Variants in SLC8A1 observed in about 807,000 individuals in gnomAD.
SLC8A1 encodes solute carrier family 8 member A1.
A neutral mutation model predicts 68.3 loss-of-function variants in SLC8A1; 18 were observed. That is an observed-to-expected ratio of 0.26 (90% CI 0.18 to 0.39). The LOEUF (loss-of-function observed/expected upper bound fraction) is 0.39. SLC8A1 is among the 10% of genes least tolerant of loss of function. SLC8A1 has a pLI of 1.00. For missense variants in SLC8A1, 985 were observed against 1,156.7 expected, an observed-to-expected ratio of 0.85 and a Z score of 2.15; for synonymous variants, 475 against 415.5, an observed-to-expected ratio of 1.14 and a Z score of -1.74.
At chr2:40,151,215 A>G (rs1386741261) in intron 6 of SLC8A1, among the ~76,000 whole-genome samples, 1 of 152,154 alleles carries the variant, frequency 6.6e-6, no homozygotes, top group African/African-American at 2.4e-5. Context: ...GAAGTTTGAC[A>G]TAGAGAAAAC....
chr2:40,404,755 T>A (rs1205428353), intron 2 of SLC8A1, among the ~76,000 whole-genome samples: 2 of 152,158 alleles, frequency 1.3e-5, no homozygotes, highest in Admixed American at 1.3e-4. Flanking sequence ...AAATGCATAA[T>A]TAACCAGAAA....
At position 40,176,686 on chromosome 2, in the gene SLC8A1, T is replaced by G. The variant is rs1276969569; in HGVS notation, c.1912+1066A>C. Among the ~76,000 whole-genome samples, 13 of 152,360 alleles carry G rather than the reference T, an allele frequency of 8.5e-5. No homozygotes were observed. The East Asian group carries it at 2.1e-3, about 25-fold the overall frequency. ...GATGAACGTGGGATAAATTTTCCTA[T>G]GTGTCTACATAGCAATTAGTCCTAT... On this transcript the variant is annotated intron_variant, in intron 3 of 7. Coordinates refer to ENST00000406785, the Ensembl canonical transcript of SLC8A1.
At chr2:40,178,954 T>C (rs779395959) in intron 2 of SLC8A1, among the ~76,000 whole-genome samples, 16 of 152,242 alleles carry the variant, frequency 1.1e-4, no homozygotes, top group Non-Finnish European at 1.8e-4. Flanking sequence ...TCATTTTTTT[T>C]CCTTCACTGT....
chr2:40,431,546 C>T (rs1358437693), intron 1 of SLC8A1, among the ~76,000 whole-genome samples: 1 of 152,116 alleles, frequency 6.6e-6, no homozygotes, highest in Non-Finnish European at 1.5e-5. Context: ...ATCCCTTCTG[C>T]TTCCAGAACC....
rs1407594133 is a variant in SLC8A1, at chr2:40,423,466, A to G, written c.1808+5007T>C. Reference sequence around the variant, plus strand: ...ACTGATGGCCACAAATCTGTAGCTTATTAAGTATGTGCAGATTAACTGATA... The same window carrying G: ...ACTGATGGCCACAAATCTGTAGCTTGTTAAGTATGTGCAGATTAACTGATA... On this transcript the variant is annotated intron_variant, in intron 2 of 7. Coordinates refer to ENST00000406785, the Ensembl canonical transcript of SLC8A1. 6.6e-5 allele frequency among the ~76,000 whole-genome samples: 10 copies of G among 152,018 alleles called. 1 individual carries two copies. The highest frequency in any genetic ancestry group is 6.6e-4 in the Admixed American group (10 of 15,256).
At chr2:40,178,561 A>T in intron 2 of SLC8A1, 68 bp from the exon 3 acceptor site, 1 of 1,321,832 alleles carries the variant, frequency 7.6e-7, no homozygotes, top group Middle Eastern at 1.8e-4. Context: ...CATAGAGAAG[A>T]GGAAAGCAAG....
At chr2:40,394,763 G>T (rs1413526995) in intron 2 of SLC8A1, among the ~76,000 whole-genome samples, 1 of 151,702 alleles carries the variant, frequency 6.6e-6, no homozygotes, top group African/African-American at 2.4e-5. Flanking sequence ...AAAAAAATTA[G>T]TTCCCATTCC....
At chr2:40,305,205 T>C (rs1274669137) in intron 2 of SLC8A1, among the ~76,000 whole-genome samples, 1 of 152,166 alleles carries the variant, frequency 6.6e-6, no homozygotes, top group Non-Finnish European at 1.5e-5. Context: ...AAGCCCCTTC[T>C]AGTGGTGTGA....
At chr2:40,182,229 A>G (rs536643196) in intron 2 of SLC8A1, among the ~76,000 whole-genome samples, 1 of 152,324 alleles carries the variant, frequency 6.6e-6, no homozygotes, top group South Asian at 2.1e-4. Context: ...CCTTCATCCA[A>G]ATATAATTCT....
At chr2:40,479,574 AAC>A (rs1366445839) in intron 1 of SLC8A1, among the ~76,000 whole-genome samples, 2 of 152,260 alleles carry the variant, frequency 1.3e-5, no homozygotes, top group African/African-American at 2.4e-5. Flanking sequence ...TAGATGAGGA[AAC>A]ACAGAAGTTT....
At chr2:40,423,841 A>C (rs1008700528) in intron 2 of SLC8A1, among the ~76,000 whole-genome samples, 1 of 151,964 alleles carries the variant, frequency 6.6e-6, no homozygotes, top group Non-Finnish European at 1.5e-5. Flanking sequence ...TTCAGAAAAC[A>C]TGCATTTATA....
chr2:40,424,843 T>C (rs1696443832), intron 2 of SLC8A1, among the ~76,000 whole-genome samples: 1 of 151,898 alleles, frequency 6.6e-6, no homozygotes, highest in South Asian at 2.1e-4. Flanking sequence ...ATTTGATTTG[T>C]ATCTACATTA....
intron 2 of SLC8A1, among the ~76,000 whole-genome samples, chr2:40,325,504 GGCT>G (rs1439965052): frequency 6.6e-6 from 1 of 152,026 alleles, no homozygotes; most frequent in African/African-American, 2.4e-5. Flanking sequence ...CATATAAGAA[GGCT>G]GCACCTTTTC....
At chr2:40,363,048 CT>C (rs1675060663) in intron 2 of SLC8A1, among the ~76,000 whole-genome samples, 1 of 152,024 alleles carries the variant, frequency 6.6e-6, no homozygotes, top group Non-Finnish European at 1.5e-5. Context: ...CCCACCACCC[CT>C]AGAAGGTACT....
intron 2 of SLC8A1, among the ~76,000 whole-genome samples, chr2:40,309,255 C>T (rs921755811): frequency 3.9e-5 from 6 of 152,110 alleles, no homozygotes; most frequent in Non-Finnish European, 5.9e-5. Flanking sequence ...GCTGCATTTT[C>T]AACACAGGAA....
At position 40,283,678 on chromosome 2, in the gene SLC8A1, A is replaced by G. The variant is rs1307864322; in HGVS notation, c.1809-105823T>C. Among the ~76,000 whole-genome samples the G allele has an allele frequency of 3.9e-5, 6 of 152,204 alleles. No homozygotes were observed. The East Asian group carries it at 9.6e-4, about 24-fold the overall frequency. ...TGAAACGCATCAAAGTCAGAGCTCC[A>G]TGCTCTTTATCTCAGCTCACTGCAG... On this transcript the variant is annotated intron_variant, in intron 2 of 7. Coordinates refer to ENST00000406785, the Ensembl canonical transcript of SLC8A1.
exon 8 of SLC8A1, chr2:40,103,528 G>T (rs973827662): frequency 6.6e-6 from 1 of 152,074 alleles, no homozygotes; most frequent in Non-Finnish European, 1.5e-5. Flanking sequence ...CATCCTGTTT[G>T]TAATTCACAT....
At chr2:40,427,284 T>C (rs1489890840) in intron 2 of SLC8A1, among the ~76,000 whole-genome samples, 1 of 152,078 alleles carries the variant, frequency 6.6e-6, no homozygotes, top group Non-Finnish European at 1.5e-5. Context: ...GTTTGTTTTC[T>C]CTCACTTTCA....
chr2:40,291,988 C>A (rs10490053), intron 2 of SLC8A1, among the ~76,000 whole-genome samples: 26,046 of 151,066 alleles, frequency 0.17, 2,759 homozygotes, highest in East Asian at 0.37. Context: ...CAACGTATGT[C>A]AGAGATCTAA....
Sources: gnomAD v4.1 joint callset for allele counts (sites outside exome capture counted in the v4.1 genomes callset) on GRCh38, gnomAD v4.1.1 for gene constraint, MANE v1.5 for transcripts, NCBI Gene and HGNC (gene_info 2026-07-23, HGNC 2026-07-21) for gene names.